Variants in FAP observed in about 807,000 individuals in gnomAD.
The protein encoded by FAP is fibroblast activation protein alpha.
Under a neutral mutation model 126.5 loss-of-function variants are expected in FAP, and 110 were observed. That is an observed-to-expected ratio of 0.87 (90% CI 0.74 to 1.02). The LOEUF (loss-of-function observed/expected upper bound fraction) is 1.02. Among genes scored for constraint, FAP ranks in the 50% least tolerant of loss-of-function variants. The pLI, the probability that FAP is intolerant of heterozygous loss-of-function variation, is 0.00. For synonymous variants in FAP, 334 were observed against 297.3 expected (o/e 1.12, Z -1.27); for missense variants, 919 against 909.2 (o/e 1.01, Z -0.14).
chr2:162,204,950 GT>G (rs1365770336), intron 12 of FAP, among the ~76,000 whole-genome samples: 4 of 152,062 alleles, frequency 2.6e-5, no homozygotes, highest in Admixed American at 1.3e-4. Context: ...CAGCAAAAGG[GT>G]TTCAGCCAAT....
intron 25 of FAP, chr2:162,171,290 A>G (rs778835135): frequency 3.9e-5 from 18 of 462,982 alleles, no homozygotes; most frequent in Non-Finnish European, 6.2e-5. Flanking sequence ...TGCTTTAAAC[A>G]TATTTTAGAT....
intron 11 of FAP, among the ~76,000 whole-genome samples, chr2:162,213,465 C>A (rs1689041782): frequency 6.7e-6 from 1 of 149,864 alleles, no homozygotes; most frequent in South Asian, 2.1e-4. Context: ...TTGATAATAT[C>A]CATTTCCTTT....
At chr2:162,197,163 A>G (rs1688286004) in intron 16 of FAP, among the ~76,000 whole-genome samples, 1 of 152,174 alleles carries the variant, frequency 6.6e-6, no homozygotes, top group Non-Finnish European at 1.5e-5. Flanking sequence ...TCAGCATAAA[A>G]CCAGCTTTTT....
chr2:162,219,284 G>A, intron 7 of FAP, 101 bp from the exon 8 acceptor site: 1 of 1,150,340 alleles, frequency 8.7e-7, no homozygotes, highest in African/African-American at 1.6e-5. Flanking sequence ...TGGTAATAAA[G>A]ATACAAAAAA....
chr2:162,192,434 G>T (rs1222319623), intron 17 of FAP, among the ~76,000 whole-genome samples: 1 of 151,758 alleles, frequency 6.6e-6, no homozygotes, highest in Non-Finnish European at 1.5e-5. Context: ...CCCTCCTTCT[G>T]TTCCTTCTTG....
chr2:162,171,102 T>C (rs368605958), intron 25 of FAP, 22 bp from the exon 26 acceptor site: 14 of 1,598,056 alleles, frequency 8.8e-6, no homozygotes, highest in Non-Finnish European at 1.2e-5. Context: ...AGAAAAAAGC[T>C]TGTTTTATTC....
chr2:162,242,159 G>A (rs1178394276), intron 2 of FAP, among the ~76,000 whole-genome samples: 4 of 151,932 alleles, frequency 2.6e-5, no homozygotes, highest in Non-Finnish European at 5.9e-5. Flanking sequence ...TCAGAAGCTT[G>A]AGTTTCTCTT....
chr2:162,174,013 A>T (rs1267277227), intron 22 of FAP, among the ~76,000 whole-genome samples: 6 of 152,212 alleles, frequency 3.9e-5, no homozygotes. Flanking sequence ...TTATGGAAAC[A>T]GGAGCATCTA....
Position 162,213,835 on chromosome 2 carries a change from C to T in FAP, c.1002+103G>A, listed in dbSNP as rs540614216. On this transcript the variant is annotated intron_variant, in intron 11 of 25. Coordinates refer to ENST00000188790, the MANE Select transcript of FAP (RefSeq NM_004460.5). ...TTGCAAAGCAGTTGGCAGTTGAATG[C>T]AGTAATCCTGGCTTTACAACATAAA... is the stretch of plus-strand genomic sequence containing the variant. 12 of 1,177,760 alleles carry T rather than the reference C, an allele frequency of 1.0e-5. No homozygotes were observed. The East Asian group carries it at 2.5e-4, about 25-fold the overall frequency. The allele number at this position is 1,177,760 out of a possible 1,614,324, so 73.0% of individuals were successfully genotyped here.
At position 162,213,936 on chromosome 2, in the gene FAP, A is replaced by T; in HGVS notation, c.1002+2T>A. On this transcript the variant is annotated splice_donor_variant, in intron 11 of 25. Coordinates refer to ENST00000188790, the MANE Select transcript of FAP (RefSeq NM_004460.5). LOFTEE classifies it high-confidence loss of function. The stretch of plus-strand genomic sequence containing the variant: ...CGTATCTGTGATCTTAATATACCCT[A>T]CCTTTGGACAATCCCATGTCTGCCA... 6.2e-7 allele frequency: 1 copy of T among 1,612,826 alleles called. No individual in the cohort carries two copies. The highest frequency in any genetic ancestry group is 8.5e-7 in the Non-Finnish European group (1 of 1,179,314).
In FAP at chr2:162,225,459, G is replaced by C. The variant is rs781124412; in HGVS notation, c.285+24C>G. ...GAAGAGTGGGCAAAGGTTTCTGAGG[G>C]GGAAGATGATGTTGGATACATACCA... On this transcript the variant is annotated intron_variant, in intron 4 of 25. Transcript: ENST00000188790. 7 of 1,588,656 alleles carry C rather than the reference G, an allele frequency of 4.4e-6. No homozygotes were observed. The East Asian group carries it at 1.4e-4, about 31-fold the overall frequency.
At chr2:162,181,115 G>A (rs1371571076) in intron 21 of FAP, among the ~76,000 whole-genome samples, 3 of 151,620 alleles carry the variant, frequency 2.0e-5, no homozygotes, top group Non-Finnish European at 4.4e-5. Flanking sequence ...TCTCAAAAAC[G>A]AAAAAAGGAA....
At chr2:162,203,919 T>C (rs1386513398) in intron 12 of FAP, among the ~76,000 whole-genome samples, 1 of 152,226 alleles carries the variant, frequency 6.6e-6, no homozygotes, top group Non-Finnish European at 1.5e-5. Context: ...GAAAATAGTT[T>C]CGTATTTTTC....
chr2:162,201,390 C>T (rs1327342261), intron 14 of FAP, among the ~76,000 whole-genome samples: 2 of 152,146 alleles, frequency 1.3e-5, no homozygotes, highest in Non-Finnish European at 2.9e-5. Flanking sequence ...GAATACAACT[C>T]GTTTTTAGCA....
At chr2:162,233,701 AC>A (rs1476162985) in intron 2 of FAP, among the ~76,000 whole-genome samples, 4 of 152,198 alleles carry the variant, frequency 2.6e-5, no homozygotes, top group African/African-American at 9.6e-5. Flanking sequence ...ATTCTTGGCC[AC>A]CCTAAAATGT....
intron 20 of FAP, among the ~76,000 whole-genome samples, chr2:162,186,151 G>T (rs751206699): frequency 3.3e-5 from 5 of 152,126 alleles, no homozygotes; most frequent in African/African-American, 7.2e-5. Flanking sequence ...ACTGAAAACA[G>T]AAATTGCAAA....
At position 162,172,904 on chromosome 2, in the gene FAP, A is replaced by AGT; in HGVS notation, c.2108-22_2108-21dup. 6.3e-7 allele frequency: 1 copy of AGT among 1,578,964 alleles called. No individual in the cohort carries two copies. Among genetic ancestry groups the AGT allele is most frequent in the Non-Finnish European group, 8.7e-7 (1 of 1,148,566 alleles). On this transcript the variant is annotated intron_variant, in intron 24 of 25. Coordinates refer to ENST00000188790, the MANE Select transcript of FAP (RefSeq NM_004460.5). Reference sequence around the variant, plus strand: ...CATTATCTGCAACAAAGAGAGAGAGAGTTAAAGTGCTGCTAAATACCAGAA... The same window carrying AGT: ...CATTATCTGCAACAAAGAGAGAGAGAGTGTTAAAGTGCTGCTAAATACCAGAA...
At chr2:162,174,575 C>A (rs1442567928) in intron 22 of FAP, among the ~76,000 whole-genome samples, 1 of 152,096 alleles carries the variant, frequency 6.6e-6, no homozygotes, top group African/African-American at 2.4e-5. Context: ...TGTGTGCCTG[C>A]AAAAACAGAG....
Position 162,187,137 on chromosome 2 carries a change from G to C in FAP, c.1814+1032C>G, listed in dbSNP as rs555181384. Among the ~76,000 whole-genome samples, 116 of 152,046 alleles carry C rather than the reference G, an allele frequency of 7.6e-4. 1 individual carries two copies. The South Asian group carries it at 9.8e-3, about 13-fold the overall frequency. On this transcript the variant is annotated intron_variant, in intron 20 of 25. Coordinates refer to ENST00000188790, the MANE Select transcript of FAP (RefSeq NM_004460.5). ...TTTCTATTTTTAAAAATAATTACTT[G>C]TGAGTCTAAACTCTTCTGCTTTGAT...
Sources: allele counts gnomAD v4.1 joint callset (sites outside exome capture counted in the v4.1 genomes callset), GRCh38; gene constraint gnomAD v4.1.1; transcripts MANE v1.5; gene names NCBI Gene and HGNC (gene_info 2026-07-23, HGNC 2026-07-21).